HS3ST5: variants seen among roughly 807,000 people sequenced by gnomAD.
HS3ST5 encodes the protein heparan sulfate-glucosamine 3-sulfotransferase 5, also known as heparan sulfate glucosamine 3-O-sulfotransferase 5.
HS3ST5 carries 10 observed loss-of-function variants against 25.4 expected under a neutral mutation model. The ratio of observed to expected loss-of-function variants is 0.39; its 90% confidence interval spans 0.24 to 0.67. HS3ST5 has a LOEUF of 0.67. HS3ST5 is among the 30% of genes least tolerant of loss of function. HS3ST5 has a pLI of 0.44. For missense variants in HS3ST5, 324 were observed against 420.7 expected, an observed-to-expected ratio of 0.77 and a Z score of 2.01; for synonymous variants, 170 against 162.4, an observed-to-expected ratio of 1.05 and a Z score of -0.36.
chr6:114,184,134 G>A (rs1018413604), intron 2 of HS3ST5, among the ~76,000 whole-genome samples: 14 of 137,034 alleles, frequency 1.0e-4, no homozygotes, highest in African/African-American at 3.2e-4. Context: ...GCACAGTCTC[G>A]GCTCACTGCA....
chr6:114,285,989 G>A (rs1164817594), intron 1 of HS3ST5, among the ~76,000 whole-genome samples: 1 of 151,410 alleles, frequency 6.6e-6, no homozygotes, highest in South Asian at 2.1e-4. Flanking sequence ...AAAAAAAATC[G>A]AAATATACAC....
At chr6:114,339,112 G>A (rs1776724803) in intron 1 of HS3ST5, among the ~76,000 whole-genome samples, 2 of 151,880 alleles carry the variant, frequency 1.3e-5, no homozygotes, top group South Asian at 4.2e-4. Flanking sequence ...GAAAATATTG[G>A]GATAAAGTAT....
chr6:114,291,364 C>T (rs1363149605), intron 1 of HS3ST5, among the ~76,000 whole-genome samples: 2 of 151,896 alleles, frequency 1.3e-5, no homozygotes, highest in African/African-American at 4.9e-5. Context: ...AGGGTAATTA[C>T]ACTCAGTATT....
rs145206269 is a variant in HS3ST5 at position 114,188,021 on chromosome 6, G to A, written c.-144-19559C>T. ...TGCTATTACACATTCAATAGACCAT[G>A]GCATTGTGTAAACTTAACTTTTATA... On this transcript the variant is annotated intron_variant, in intron 2 of 4. Transcript: ENST00000312719. 6.0e-3 allele frequency among the ~76,000 whole-genome samples: 920 copies of A among 152,256 alleles called. 8 individuals carry two copies. Among genetic ancestry groups the A allele is most frequent in the African/African-American group, 0.017 (698 of 41,548 alleles).
At chr6:114,341,648 G>A (rs573723756) in intron 1 of HS3ST5, among the ~76,000 whole-genome samples, 2 of 151,004 alleles carry the variant, frequency 1.3e-5, no homozygotes, top group African/African-American at 4.9e-5. Context: ...GGGCTGTGAG[G>A]GGTGTGGGGG....
chr6:114,301,773 T>C (rs1175707055), intron 1 of HS3ST5, among the ~76,000 whole-genome samples: 1 of 152,138 alleles, frequency 6.6e-6, no homozygotes, highest in Non-Finnish European at 1.5e-5. Context: ...CATGGGGTTC[T>C]CTTCAGAATG....
chr6:114,251,414 A>G (rs1479855383), intron 1 of HS3ST5: 1 of 152,218 alleles, frequency 6.6e-6, no homozygotes, highest in Non-Finnish European at 1.5e-5. Flanking sequence ...AAAAACCAAC[A>G]GGAGAATTGG....
chr6:114,235,127 A>C (rs950865863), intron 1 of HS3ST5, among the ~76,000 whole-genome samples: 5 of 152,264 alleles, frequency 3.3e-5, no homozygotes, highest in Admixed American at 3.3e-4. Context: ...TGTCTCAACA[A>C]AACAAAACAA....
intron 2 of HS3ST5, among the ~76,000 whole-genome samples, chr6:114,183,635 G>A (rs1454140844): frequency 6.6e-6 from 1 of 152,180 alleles, no homozygotes; most frequent in Non-Finnish European, 1.5e-5. Context: ...ACCTACAAAT[G>A]TGGAAGTGAA....
chr6:114,263,952 G>A (rs953383265), intron 1 of HS3ST5, among the ~76,000 whole-genome samples: 4 of 151,714 alleles, frequency 2.6e-5, no homozygotes, highest in African/African-American at 9.7e-5. Flanking sequence ...ATCACATAAA[G>A]CATAAAGAAC....
chr6:114,206,264 C>T (rs144444645), intron 2 of HS3ST5, among the ~76,000 whole-genome samples: 30 of 152,282 alleles, frequency 2.0e-4, no homozygotes, highest in African/African-American at 6.5e-4. Context: ...AGACTGTAAA[C>T]TCCTTGAGGG....
chr6:114,086,416 T>A (rs1774828825), intron 3 of HS3ST5, among the ~76,000 whole-genome samples: 1 of 152,138 alleles, frequency 6.6e-6, no homozygotes, highest in Admixed American at 6.5e-5. Context: ...CCCTAGTCAA[T>A]AGCCAGCAAG....
intron 4 of HS3ST5, among the ~76,000 whole-genome samples, chr6:114,062,254 C>T (rs1269089513): frequency 6.6e-6 from 1 of 152,192 alleles, no homozygotes; most frequent in Non-Finnish European, 1.5e-5. Context: ...ATAGTTAAAA[C>T]TCCCCACGCC....
At chr6:114,215,562 G>A (rs1781716553) in intron 2 of HS3ST5, among the ~76,000 whole-genome samples, 1 of 152,008 alleles carries the variant, frequency 6.6e-6, no homozygotes, top group Admixed American at 6.5e-5. Flanking sequence ...CAGGAAGCCA[G>A]GAGAATCCTC....
chr6:114,208,259 A>G (rs1467027094), intron 2 of HS3ST5, among the ~76,000 whole-genome samples: 1 of 152,196 alleles, frequency 6.6e-6, no homozygotes, highest in African/African-American at 2.4e-5. Flanking sequence ...CATTCTCAAT[A>G]AATTCTGATA....
chr6:114,336,817 T>G (rs1012591244), intron 1 of HS3ST5, among the ~76,000 whole-genome samples: 1 of 152,064 alleles, frequency 6.6e-6, no homozygotes, highest in African/African-American at 2.4e-5. Flanking sequence ...TGACTTGAGT[T>G]AGTTAGCTAT....
At chr6:114,091,980 A>G (rs1775143089) in intron 3 of HS3ST5, among the ~76,000 whole-genome samples, 1 of 152,194 alleles carries the variant, frequency 6.6e-6, no homozygotes, top group Non-Finnish European at 1.5e-5. Context: ...GACATGGCAG[A>G]AGGCAAAACC....
rs551951056 is a variant in HS3ST5 at position 114,336,172 on chromosome 6, T to G, written c.-339+6023A>C. 2.1e-3 allele frequency among the ~76,000 whole-genome samples: 319 copies of G among 152,352 alleles called. 7 individuals are homozygous for G. The South Asian group carries it at 0.037, about 18-fold the overall frequency. On this transcript the variant is annotated intron_variant, in intron 1 of 4. Transcript: ENST00000312719. The stretch of plus-strand genomic sequence containing the variant: ...ATCTATGATGATGGTATGTTGATGT[T>G]AAAGATGGTGGTGATGACAGCAGTA...
intron 2 of HS3ST5, among the ~76,000 whole-genome samples, chr6:114,179,564 A>G (rs1779868438): frequency 6.6e-6 from 1 of 152,080 alleles, no homozygotes; most frequent in Non-Finnish European, 1.5e-5. Flanking sequence ...TACTGGTTCA[A>G]TACTGCTTAG....
Sources: gnomAD v4.1 joint callset for allele counts (sites outside exome capture counted in the v4.1 genomes callset) on GRCh38, gnomAD v4.1.1 for gene constraint, MANE v1.5 for transcripts, NCBI Gene and HGNC (gene_info 2026-07-23, HGNC 2026-07-21) for gene names.